Variants in MAP3K14 observed in about 807,000 individuals in gnomAD.
MAP3K14 encodes the protein mitogen-activated protein kinase kinase kinase 14, also known as NF-kappa-beta-inducing kinase.
Under a neutral mutation model 99.2 loss-of-function variants are expected in MAP3K14, and 16 were observed. That is an observed-to-expected ratio of 0.16 (90% CI 0.11 to 0.24). MAP3K14 has a LOEUF of 0.24. Ranked by LOEUF, MAP3K14 falls within the 10% of genes least tolerant of loss-of-function variation. The pLI is 1.00. For synonymous variants in MAP3K14, 462 were observed against 492.4 expected (o/e 0.94, Z 0.82); for missense variants, 784 against 1,208.7 (o/e 0.65, Z 5.21).
chr17:45,313,408 C>G lies in MAP3K14; in HGVS notation c.-21+3552G>C, dbSNP rs2044499810. Among the ~76,000 whole-genome samples, 3 of 152,294 alleles carry G rather than the reference C, an allele frequency of 2.0e-5. No individual in the cohort carries two copies. In the South Asian group the frequency reaches 6.2e-4, roughly 32 times the overall value. On this transcript the variant is annotated intron_variant, in intron 1 of 15. Transcript: ENST00000344686. ...GCTCAGCACTTTACATATCTCCTCTCATTTTCTACTCAAAACAGCCCCATG... is the reference window on the plus strand; with the variant it reads ...GCTCAGCACTTTACATATCTCCTCTGATTTTCTACTCAAAACAGCCCCATG...
At chr17:45,276,653 A>C (rs1452275772) in intron 6 of MAP3K14, among the ~76,000 whole-genome samples, 1 of 151,544 alleles carries the variant, frequency 6.6e-6, no homozygotes, top group East Asian at 1.9e-4. Flanking sequence ...CTGGGATTAC[A>C]GGCACCTGCC....
chr17:45,274,680 C>A, intron 6 of MAP3K14, 87 bp from the exon 7 acceptor site: 4 of 1,477,106 alleles, frequency 2.7e-6, no homozygotes, highest in Non-Finnish European at 2.7e-6. Flanking sequence ...TAGTGCTCCA[C>A]ACACAGAGGC....
intron 1 of MAP3K14, among the ~76,000 whole-genome samples, chr17:45,310,775 G>A (rs1191550924): frequency 6.6e-6 from 1 of 152,178 alleles, no homozygotes; most frequent in Non-Finnish European, 1.5e-5. Flanking sequence ...GTGCCCTAAA[G>A]GTGTGGGCAA....
At position 45,290,723 on chromosome 17, in the gene MAP3K14, C is replaced by A; in HGVS notation, c.23G>T (p.Cys8Phe). Residue 8 changes from cysteine to phenylalanine, a missense_variant, in exon 2 of 16, where the codon TGC becomes TTC. Cys to Phe is a radical substitution (Grantham distance 205). Coordinates refer to ENST00000344686, the MANE Select transcript of MAP3K14 (RefSeq NM_003954.5). ...CACTGCTGAGCCAGGGGCACCTGGGCAGGCCATTTCCATCACTGCCATCTC... is the reference window on the plus strand; with the variant it reads ...CACTGCTGAGCCAGGGGCACCTGGGAAGGCCATTTCCATCACTGCCATCTC... MAVMEMA[C>F]PGAPGSAVGQ... The A allele has an allele frequency of 6.2e-7, 1 of 1,613,254 alleles. No individual in the cohort carries two copies. Among genetic ancestry groups the A allele is most frequent in the South Asian group, 1.1e-5 (1 of 91,060 alleles).
intron 6 of MAP3K14, among the ~76,000 whole-genome samples, 194 bp downstream of exon 6, chr17:45,284,618 G>A (rs574824171): frequency 1.3e-5 from 2 of 152,336 alleles, no homozygotes; most frequent in African/African-American, 4.8e-5. Flanking sequence ...GCCAGGGGCA[G>A]CAGCCAGGCC....
Position 45,290,473 on chromosome 17 carries a change from C to T in MAP3K14, c.256+17G>A. The T allele has an allele frequency of 1.2e-6, 2 of 1,613,236 alleles. No individual in the cohort carries two copies. Among genetic ancestry groups the T allele is most frequent in the Non-Finnish European group, 1.7e-6 (2 of 1,179,372 alleles). ...CCACCCACCTGCCCCGTGCCCACAA[C>T]AACCCTAGGCCCCTACACTCAGCCT... On this transcript the variant is annotated intron_variant, in intron 2 of 15. Transcript: ENST00000344686.
Position 45,267,792 on chromosome 17 carries a change from G to A in MAP3K14, c.1973-33C>T, listed in dbSNP as rs377312058. 1.2e-4 allele frequency: 192 copies of A among 1,570,056 alleles called. 1 individual carries two copies. The African/African-American group carries it at 2.4e-3, about 20-fold the overall frequency. On this transcript the variant is annotated intron_variant, in intron 11 of 15. Transcript: ENST00000344686. This position sits in a 1 kb window ranked among gnomAD's most constrained non-coding sequence, Gnocchi z 5.1. ...ACAGAGAGTACAATGGTGAGGGGAA[G>A]CGTGCTGTGCACAGACAGCGGTCCA...
chr17:45,295,606 TGTA>T (rs2044340907), intron 1 of MAP3K14, among the ~76,000 whole-genome samples: 1 of 152,194 alleles, frequency 6.6e-6, no homozygotes, highest in Non-Finnish European at 1.5e-5. Context: ...CTTAGGGAAG[TGTA>T]GTAGCACACC....
At chr17:45,275,760 C>CTTTTTTT (rs369154222) in intron 6 of MAP3K14, among the ~76,000 whole-genome samples, 4 of 123,548 alleles carry the variant, frequency 3.2e-5, no homozygotes, top group Admixed American at 8.2e-5. Context: ...CTTTTCTTTT[C>CTTTTTTT]TTTTTTTTTT....
Position 45,274,252 on chromosome 17 carries a change from C to T in MAP3K14, c.1423G>A (p.Gly475Ser). 1 of 1,599,700 alleles carries T rather than the reference C, an allele frequency of 6.3e-7. No individual in the cohort carries two copies. The highest frequency in any genetic ancestry group is 8.5e-7 in the Non-Finnish European group (1 of 1,173,012). Residue 475 changes from glycine (G) to serine (S), a missense_variant and splice_region_variant, in exon 8 of 16, where the codon GGC becomes AGC. Around this residue, in one of 5 missense-constraint regions of MAP3K14, gnomAD observed 200 missense variants for 367.9 expected, o/e 0.54. Transcript: ENST00000344686. ...VNIFMELLEG[G>S]SLGQLVKEQG... ...TCCTTGACCAGCTGGCCCAGGGAGC[C>T]ACCTAGGAGACCAAAGGCCAGGCTA...
rs990892006 is a variant in MAP3K14 at position 45,267,826 on chromosome 17, C to T, written c.1973-67G>A. 1.3e-4 allele frequency: 183 copies of T among 1,397,992 alleles called. No individual in the cohort carries two copies. Among genetic ancestry groups the T allele is most frequent in the Middle Eastern group, 3.6e-4 (2 of 5,526 alleles). The allele number at this position is 1,397,992 out of a possible 1,614,324, so 86.6% of individuals were successfully genotyped here. A position where few individuals can be genotyped will look rare whatever the true frequency, so the allele number is the denominator to read the frequency against. ...GCACAGACAGCGGTCCAGGCAGGAG[C>T]GGCCTCTCCTGAGTGCAGAAGGGCT... On this transcript the variant is annotated intron_variant, in intron 11 of 15. Transcript: ENST00000344686. The surrounding 1 kb of genome is among the most constrained non-coding windows in gnomAD (Gnocchi z 5.1).
intron 5 of MAP3K14, 56 bp from the exon 6 acceptor site, chr17:45,285,005 C>A: frequency 6.6e-7 from 1 of 1,522,306 alleles, no homozygotes. Flanking sequence ...CAGAGGGCTA[C>A]AGGGCTACAG....
chr17:45,296,235 C>T (rs969578442), intron 1 of MAP3K14, among the ~76,000 whole-genome samples: 7 of 152,078 alleles, frequency 4.6e-5, no homozygotes, highest in South Asian at 2.1e-4. Context: ...ACTCAAAGTG[C>T]GGGGCTGGGC....
intron 6 of MAP3K14, among the ~76,000 whole-genome samples, chr17:45,276,892 A>G (rs2044185044): frequency 9.1e-6 from 1 of 110,462 alleles, no homozygotes; most frequent in African/African-American, 3.6e-5. Context: ...CAGTGGTGTG[A>G]TATCTCAGCT....
intron 1 of MAP3K14, among the ~76,000 whole-genome samples, chr17:45,314,770 C>T (rs2044515997): frequency 6.6e-6 from 1 of 152,046 alleles, no homozygotes; most frequent in South Asian, 2.1e-4. Context: ...TCTGTCAAAC[C>T]AACCAATATG....
chr17:45,276,007 T>G (rs1025255525), intron 6 of MAP3K14, among the ~76,000 whole-genome samples: 1 of 152,094 alleles, frequency 6.6e-6, no homozygotes, highest in Non-Finnish European at 1.5e-5. Context: ...GTGATTTGCC[T>G]GCGTTGGCCT....
In MAP3K14 at chr17:45,286,961, G is replaced by T; in HGVS notation, c.622C>A (p.Leu208Ile). The T allele has an allele frequency of 6.2e-7, 1 of 1,614,058 alleles. No homozygotes were observed. Among genetic ancestry groups the T allele is most frequent in the Non-Finnish European group, 8.5e-7 (1 of 1,179,902 alleles). Residue 208 changes from leucine (L) to isoleucine (I), a missense_variant, in exon 5 of 16, where the codon CTC becomes ATC. This residue lies in a region of MAP3K14 where 188 missense variants were observed against 313.0 expected (regional missense o/e 0.60). Transcript: ENST00000344686. This position sits in a 1 kb window ranked among gnomAD's most constrained non-coding sequence, Gnocchi z 4.1. ...KPLKEPGLGQ[L>I]CFKQLGEGLR... Reference sequence around the variant, plus strand: ...CCCTCGCCAAGCTGCTTAAAACAGAGTTGCCCAAGGCCTGGTTCCTTCAGA... The same window carrying T: ...CCCTCGCCAAGCTGCTTAAAACAGATTTGCCCAAGGCCTGGTTCCTTCAGA...
chr17:45,274,630 AG>A (rs1244385362), intron 6 of MAP3K14, 37 bp from the exon 7 acceptor site: 1 of 1,605,990 alleles, frequency 6.2e-7, no homozygotes, highest in East Asian at 2.2e-5. Flanking sequence ...AGACAGGGTG[AG>A]GGGACCAGAG....
intron 1 of MAP3K14, among the ~76,000 whole-genome samples, chr17:45,301,474 A>AG (rs1347005457): frequency 6.6e-6 from 1 of 152,188 alleles, no homozygotes; most frequent in African/African-American, 2.4e-5. Context: ...AAGAAAAAAA[A>AG]AAAGTTCACA....
Sources: gnomAD v4.1 joint callset for allele counts (sites outside exome capture counted in the v4.1 genomes callset) on GRCh38, gnomAD v4.1.1 for gene constraint, gnomAD v4.1.1 regional missense constraint, Gnocchi (gnomAD v3.1) non-coding constraint, MANE v1.5 for transcripts, NCBI Gene and HGNC (gene_info 2026-07-23, HGNC 2026-07-21) for gene names.